The following KLF12 variants were observed in gnomAD, a reference collection of about 807,000 sequenced individuals.
KLF12 encodes Krueppel-like factor 12.
A neutral mutation model predicts 37.8 loss-of-function variants in KLF12; 9 were observed. That is an observed-to-expected ratio of 0.24 (90% CI 0.14 to 0.42). The LOEUF is 0.42. KLF12 is among the 10% of genes least tolerant of loss of function. KLF12 has a pLI of 1.00. For missense variants in KLF12, 411 were observed against 516.0 expected (o/e 0.80, Z 1.97); for synonymous variants, 208 against 202.1 (o/e 1.03, Z -0.25).
intron 1 of KLF12, among the ~76,000 whole-genome samples, chr13:74,071,549 C>T (rs1392705178): frequency 1.1e-4 from 16 of 151,756 alleles, no homozygotes; most frequent in Admixed American, 3.9e-4. Context: ...AAAAATTAGC[C>T]GGGCGTGGTG....
chr13:73,807,109 A>G (rs1466478658), intron 5 of KLF12, among the ~76,000 whole-genome samples: 1 of 152,158 alleles, frequency 6.6e-6, no homozygotes, highest in East Asian at 1.9e-4. Context: ...GGAGTTCGAG[A>G]CTAGCCTGGC....
rs532994801 is a variant in KLF12, at chr13:73,943,596, G to A, written c.123+385C>T. On this transcript the variant is annotated intron_variant, in intron 3 of 7. Coordinates refer to ENST00000377669, the MANE Select transcript of KLF12 (RefSeq NM_007249.5). ...CAACAAACAGTAACATTCTCATAGC[G>A]GTACTTTGTCATTTCCTGATTAGAA... Among the ~76,000 whole-genome samples the A allele has an allele frequency of 2.6e-5, 4 of 152,264 alleles. No individual in the cohort carries two copies. In the East Asian group the frequency reaches 5.8e-4, roughly 22 times the overall value.
At chr13:74,226,174 A>G in the KLF12 span, among the ~76,000 whole-genome samples, 2 of 152,266 alleles carry the variant, frequency 1.3e-5, no homozygotes, top group South Asian at 2.1e-4. Context: ...ATAAGATTAG[A>G]TAGAAAACAA....
intron 1 of KLF12, among the ~76,000 whole-genome samples, chr13:74,028,821 A>T (rs1396613229): frequency 1.1e-5 from 1 of 91,836 alleles, no homozygotes; most frequent in Admixed American, 1.4e-4. Flanking sequence ...AATATAAGAA[A>T]AAGAGAAAGA....
the KLF12 span, among the ~76,000 whole-genome samples, chr13:74,241,336 G>C: frequency 6.6e-6 from 1 of 152,164 alleles, no homozygotes; most frequent in Non-Finnish European, 1.5e-5. Flanking sequence ...GAGAACCACT[G>C]CTCTCTTCAA....
At chr13:74,284,763 A>G in the KLF12 span, among the ~76,000 whole-genome samples, 39 of 152,134 alleles carry the variant, frequency 2.6e-4, no homozygotes, top group African/African-American at 8.9e-4. Context: ...TGCGAGAGGG[A>G]TTTCTGTGCA....
chr13:73,931,145 A>G (rs963213857), intron 3 of KLF12, among the ~76,000 whole-genome samples: 4 of 152,222 alleles, frequency 2.6e-5, no homozygotes, highest in African/African-American at 7.2e-5. Flanking sequence ...GGCATGAGCC[A>G]CTGCCCTAGC....
chr13:73,715,661 T>C (rs1875748420), intron 6 of KLF12, 136 bp from the exon 7 acceptor site: 11 of 859,742 alleles, frequency 1.3e-5, no homozygotes, highest in Admixed American at 3.0e-5. Context: ...TTGCTACCAC[T>C]ATCTTGGGCA....
intron 1 of KLF12, among the ~76,000 whole-genome samples, chr13:74,129,934 A>G (rs1032842981): frequency 6.6e-6 from 1 of 152,256 alleles, no homozygotes. Context: ...AATAGCTGAC[A>G]TCAGATGGGG....
At chr13:73,956,907 G>A (rs766853047) in intron 2 of KLF12, among the ~76,000 whole-genome samples, 9 of 150,714 alleles carry the variant, frequency 6.0e-5, no homozygotes, top group Middle Eastern at 6.9e-3. Flanking sequence ...GGGCAACAGA[G>A]TAAGGCCCTG....
intron 2 of KLF12, among the ~76,000 whole-genome samples, chr13:73,991,513 C>T (rs9592962): frequency 0.035 from 5,323 of 152,228 alleles, 192 homozygotes; most frequent in African/African-American, 0.09. Context: ...CAGTTTTAAA[C>T]CTTTTTCACA....
In KLF12 at chr13:73,695,545, C is replaced by G; in HGVS notation, c.1154G>C (p.Ser385Thr). 1.2e-6 allele frequency: 2 copies of G among 1,614,074 alleles called. No individual in the cohort carries two copies. The highest frequency in any genetic ancestry group is 1.7e-6 in the Non-Finnish European group (2 of 1,179,970). Residue 385 changes from serine to threonine, a missense_variant, in exon 8 of 8, where the codon AGC (serine) becomes ACC (threonine). Ser to Thr is a moderately conservative substitution (Grantham distance 58, BLOSUM62 1). Around this residue, in one of 2 missense-constraint regions of KLF12, gnomAD observed 60 missense variants for 118.2 expected, o/e 0.51. Coordinates refer to ENST00000377669, the MANE Select transcript of KLF12 (RefSeq NM_007249.5). ...GGCCAAATGATCTGACCGGGAAAAGCTGCGATCACAGTCCGCGCACTTGAA... is the reference window on the plus strand; with the variant it reads ...GGCCAAATGATCTGACCGGGAAAAGGTGCGATCACAGTCCGCGCACTTGAA...
intron 1 of KLF12, among the ~76,000 whole-genome samples, chr13:74,048,837 G>T (rs1476197421): frequency 1.3e-5 from 2 of 152,144 alleles, no homozygotes; most frequent in African/African-American, 4.8e-5. Context: ...TGTGAGATAA[G>T]TCAATAAGCA....
intron 5 of KLF12, among the ~76,000 whole-genome samples, chr13:73,783,583 C>T (rs9600170): frequency 0.34 from 51,304 of 151,840 alleles, 9,536 homozygotes; most frequent in East Asian, 0.46. Flanking sequence ...AAATATCCCA[C>T]GTACCCTATA....
chr13:74,305,396 T>C, the KLF12 span, among the ~76,000 whole-genome samples: 12 of 152,238 alleles, frequency 7.9e-5, no homozygotes, highest in African/African-American at 2.9e-4. Flanking sequence ...TTTAACTTCA[T>C]ATAACTGTCA....
At chr13:74,153,172 A>C in the KLF12 span, among the ~76,000 whole-genome samples, 5 of 152,244 alleles carry the variant, frequency 3.3e-5, no homozygotes, top group Middle Eastern at 3.4e-3. Context: ...TAAATGTAAG[A>C]GCTCCCAGTC....
the KLF12 span, among the ~76,000 whole-genome samples, chr13:74,172,938 C>T: frequency 2.0e-5 from 3 of 152,092 alleles, no homozygotes; most frequent in Non-Finnish European, 4.4e-5. Flanking sequence ...AAAAAGTGCC[C>T]ACGTCTACAT....
intron 1 of KLF12, among the ~76,000 whole-genome samples, chr13:74,059,698 T>C (rs1215268830): frequency 1.3e-5 from 2 of 152,228 alleles, no homozygotes; most frequent in East Asian, 3.8e-4. Flanking sequence ...AGAGGCATAA[T>C]TTGCAAATGT....
At chr13:74,294,970 C>T in the KLF12 span, among the ~76,000 whole-genome samples, 1 of 152,144 alleles carries the variant, frequency 6.6e-6, no homozygotes, top group Non-Finnish European at 1.5e-5. Context: ...CTGCTGGCTC[C>T]CCTTGCTTAA....
Sources: gnomAD v4.1 joint callset for allele counts (sites outside exome capture counted in the v4.1 genomes callset) on GRCh38, gnomAD v4.1.1 for gene constraint, gnomAD v4.1.1 regional missense constraint, MANE v1.5 for transcripts, NCBI Gene and HGNC (gene_info 2026-07-23, HGNC 2026-07-21) for gene names.